The following COL4A6 variants were observed in gnomAD, a reference collection of about 807,000 sequenced individuals.
COL4A6 encodes the protein collagen alpha-6(IV) chain.
A neutral mutation model predicts 126.7 loss-of-function variants in COL4A6; 59 were observed. The ratio of observed to expected loss-of-function variants is 0.47; its 90% CI spans 0.38 to 0.58. The LOEUF (loss-of-function observed/expected upper bound fraction) is 0.58. COL4A6 is among the 20% of genes least tolerant of loss of function. COL4A6 has a pLI of 0.00. For synonymous variants in COL4A6, 547 were observed against 496.6 expected (o/e 1.10, Z -1.35); for missense variants, 1,285 against 1,337.3 (o/e 0.96, Z 0.61).
chrX:108,221,033 G>A (rs781443166), intron 4 of COL4A6: 10 of 487,947 alleles, frequency 2.0e-5, no homozygotes, highest in East Asian at 4.2e-5. Context: ...AAGAAGCAGA[G>A]GTTGCAGTGA....
At chrX:108,278,535 C>A (rs6616681) in intron 3 of COL4A6, among the ~76,000 whole-genome samples, 1 of 110,160 alleles carries the variant, frequency 9.1e-6, no homozygotes, top group Admixed American at 9.7e-5. Flanking sequence ...CTGAAAGTGA[C>A]GGGGAGAATG....
At chrX:108,334,648 TC>T (rs1271184246) in intron 2 of COL4A6, among the ~76,000 whole-genome samples, 1 of 111,380 alleles carries the variant, frequency 9.0e-6, no homozygotes, top group Admixed American at 9.6e-5. Flanking sequence ...ACTTTACCTT[TC>T]TTGGTTTCTG....
chrX:108,321,209 A>T (rs750496490), intron 2 of COL4A6, among the ~76,000 whole-genome samples: 9 of 112,028 alleles, frequency 8.0e-5, no homozygotes, highest in Non-Finnish European at 1.1e-4. Flanking sequence ...TCAATGACTA[A>T]TTCCCATTTT....
At chrX:108,421,680 C>T (rs1247964762) in intron 2 of COL4A6, among the ~76,000 whole-genome samples, 2 of 111,759 alleles carry the variant, frequency 1.8e-5, no homozygotes, top group Non-Finnish European at 3.8e-5. Context: ...TGGACCTTTT[C>T]CCCAGAAAAG....
At position 108,426,471 on chromosome X, in the gene COL4A6, T is replaced by C. The variant is rs1220113264; in HGVS notation, c.63+11471A>G. On this transcript the variant is annotated intron_variant, in intron 2 of 44. Transcript: ENST00000334504. ...TTATTGTTGTTAGACAAAGGGGAAC[T>C]GGGACTTCAAAGATGCCTGGGGCGG... Among the ~76,000 whole-genome samples, 4 of 111,873 alleles carry C rather than the reference T, an allele frequency of 3.6e-5. No individual in the cohort carries two copies. The East Asian group carries it at 1.1e-3, about 31-fold the overall frequency.
At chrX:108,394,938 T>C (rs1347768338) in intron 2 of COL4A6, among the ~76,000 whole-genome samples, 1 of 110,770 alleles carries the variant, frequency 9.0e-6, no homozygotes, top group Non-Finnish European at 1.9e-5. Context: ...AGCAGAAGAG[T>C]TAAGTTTTTT....
intron 2 of COL4A6, among the ~76,000 whole-genome samples, chrX:108,313,453 A>C (rs1288294339): frequency 8.9e-6 from 1 of 111,866 alleles, no homozygotes; most frequent in African/African-American, 3.2e-5. Flanking sequence ...CCTAAAAATA[A>C]ATTCATAGGA....
chrX:108,406,499 C>T (rs1463171866), intron 2 of COL4A6, among the ~76,000 whole-genome samples: 1 of 111,549 alleles, frequency 9.0e-6, no homozygotes, highest in Non-Finnish European at 1.9e-5. Context: ...GATCTGGTAC[C>T]TGCCTATTCT....
At chrX:108,280,866 G>A (rs1178326929) in intron 3 of COL4A6, among the ~76,000 whole-genome samples, 2 of 111,753 alleles carry the variant, frequency 1.8e-5, no homozygotes, top group Non-Finnish European at 3.8e-5. Context: ...ATGTAATCCA[G>A]CATATAAACA....
intron 2 of COL4A6, among the ~76,000 whole-genome samples, chrX:108,386,155 T>C (rs993352500): frequency 1.8e-5 from 2 of 112,002 alleles, no homozygotes; most frequent in Non-Finnish European, 3.8e-5. Context: ...GTCTTTGCTA[T>C]TGTGAACAGT....
rs1484110516 is a variant in COL4A6, at chrX:108,302,580, A to G, written c.144+8168T>C. 3.6e-5 allele frequency among the ~76,000 whole-genome samples: 4 copies of G among 111,299 alleles called. No individual in the cohort carries two copies. The Admixed American group carries it at 3.8e-4, about 11-fold the overall frequency. On this transcript the variant is annotated intron_variant, in intron 3 of 44. Coordinates refer to ENST00000334504, the MANE Select transcript of COL4A6 (RefSeq NM_033641.4). ...AGGAATCTTCTTAAGCTGCTTGTCC[A>G]TTTTGTGAGGGTTAAATGTAGTTAG...
chrX:108,428,191 T>C (rs928176608), intron 2 of COL4A6, among the ~76,000 whole-genome samples: 1 of 110,593 alleles, frequency 9.0e-6, no homozygotes, highest in Non-Finnish European at 1.9e-5. Context: ...AGCAAATATA[T>C]CTCGTAATGT....
chrX:108,161,604 GT>G lies in COL4A6; in HGVS notation c.4333+14del. On this transcript the variant is annotated intron_variant, in intron 42 of 44. Coordinates refer to ENST00000334504, the MANE Select transcript of COL4A6 (RefSeq NM_033641.4). ...ATCCCCGCCCCGCCCGCCTCCTAAT[GT>G]GGCATCATCAGACCTTCAAATCCTG... 1 of 504,822 alleles carries G rather than the reference GT, an allele frequency of 2.0e-6. No individual in the cohort carries two copies. The highest frequency in any genetic ancestry group is 2.6e-5 in the African/African-American group (1 of 37,948). The allele number at this position is 504,822 out of a possible 1,213,427, so 41.6% of individuals were successfully genotyped here. A position where few individuals can be genotyped will look rare whatever the true frequency, so the allele number is the denominator to read the frequency against.
chrX:108,165,079 A>G (rs776211548), intron 38 of COL4A6, 41 bp from the exon 39 acceptor site: 33 of 1,149,733 alleles, frequency 2.9e-5, no homozygotes, highest in Non-Finnish European at 3.7e-5. Flanking sequence ...GCAGGTGAAC[A>G]GGTAGTAGCC....
intron 3 of COL4A6, among the ~76,000 whole-genome samples, chrX:108,226,092 C>A (rs1016884024): frequency 4.4e-5 from 5 of 112,365 alleles, no homozygotes; most frequent in African/African-American, 1.6e-4. Flanking sequence ...CTCCTTACTG[C>A]CAATTAAGTT....
chrX:108,343,165 AGTGT>A lies in COL4A6; in HGVS notation c.64-32341_64-32338del, dbSNP rs55685604. 1.9e-3 allele frequency among the ~76,000 whole-genome samples: 60 copies of A among 31,395 alleles called. 2 individuals carry two copies. The highest frequency in any genetic ancestry group is 3.3e-3 in the Non-Finnish European group (49 of 14,778). 27.3% of individuals were successfully genotyped at this position (31,395 alleles called of 115,157 possible). A position where few individuals can be genotyped will look rare whatever the true frequency, so the allele number is the denominator to read the frequency against. On this transcript the variant is annotated intron_variant, in intron 2 of 44. Transcript: ENST00000334504. ...TATATATATATATATATATATATAT[AGTGT>A]GTGTGTGTGTGTGTGTGTGTGTGTG...
At chrX:108,223,631 G>C (rs765824722) in intron 3 of COL4A6, among the ~76,000 whole-genome samples, 4 of 111,688 alleles carry the variant, frequency 3.6e-5, no homozygotes, top group African/African-American at 1.3e-4. Flanking sequence ...AGTCGAAGTC[G>C]TGATGTGGCA....
At chrX:108,198,825 T>C (rs1216289128) in intron 13 of COL4A6, among the ~76,000 whole-genome samples, 1 of 111,055 alleles carries the variant, frequency 9.0e-6, no homozygotes, top group African/African-American at 3.3e-5. Context: ...ACTGGGTAGG[T>C]GTGTGGGTAA....
Position 108,413,519 on chromosome X carries a change from C to T in COL4A6, c.63+24423G>A, listed in dbSNP as rs754149501. On this transcript the variant is annotated intron_variant, in intron 2 of 44. Transcript: ENST00000334504. ...TGTCGCCCAGGCTGGAGTGCAGTGGCGCGATCTCGGCTCACTGCAAGCTCT... is the reference window on the plus strand; with the variant it reads ...TGTCGCCCAGGCTGGAGTGCAGTGGTGCGATCTCGGCTCACTGCAAGCTCT... Among the ~76,000 whole-genome samples, 319 of 111,081 alleles carry T rather than the reference C, an allele frequency of 2.9e-3. 1 individual carries two copies. Among genetic ancestry groups the T allele is most frequent in the Non-Finnish European group, 4.1e-3 (217 of 52,974 alleles).
Sources: gnomAD v4.1 joint callset for allele counts (sites outside exome capture counted in the v4.1 genomes callset) on GRCh38, gnomAD v4.1.1 for gene constraint, MANE v1.5 for transcripts, NCBI Gene and HGNC (gene_info 2026-07-23, HGNC 2026-07-21) for gene names.